SEC31A: variants seen among roughly 807,000 people sequenced by gnomAD.
The protein encoded by SEC31A is SEC31 homolog A, COPII component.
SEC31A carries 70 observed loss-of-function variants against 151.0 expected under a neutral mutation model. That is an observed-to-expected ratio of 0.46 (90% CI 0.38 to 0.57). The LOEUF (loss-of-function observed/expected upper bound fraction) is 0.57. Ranked by LOEUF, SEC31A falls within the 20% of genes least tolerant of loss-of-function variation. SEC31A has a pLI of 0.00. For synonymous variants in SEC31A, 475 were observed against 505.9 expected, an observed-to-expected ratio of 0.94 and a Z score of 0.82; for missense variants, 1,330 against 1,471.2, an observed-to-expected ratio of 0.90 and a Z score of 1.57.
At chr4:82,858,044 A>G (rs1375471334) in intron 14 of SEC31A, 2 of 244,760 alleles carry the variant, frequency 8.2e-6, no homozygotes, top group African/African-American at 2.3e-5. Context: ...TTAGGAGGCC[A>G]AGGCAGGCAG....
rs57974382 is a variant in SEC31A, at chr4:82,882,401, C to CAAAAAAA, written c.-4-468_-4-462dup. ...TGGGCGAGAGAGCAAGACTCTATCT[C>CAAAAAAA]AAAAAAAAAAAAAAAAAAAAAAAAA... On this transcript the variant is annotated intron_variant, in intron 1 of 26. Coordinates refer to ENST00000395310, the MANE Select transcript of SEC31A (RefSeq NM_001077207.4). Among the ~76,000 whole-genome samples, 143 of 92,470 alleles carry CAAAAAAA rather than the reference C, an allele frequency of 1.5e-3. 2 individuals carry two copies. The highest frequency in any genetic ancestry group is 7.0e-3 in the African/African-American group (135 of 19,404). 60.7% of individuals were successfully genotyped at this position (92,470 alleles called of 152,430 possible). A position where few individuals can be genotyped will look rare whatever the true frequency, so the allele number is the denominator to read the frequency against.
intron 22 of SEC31A, among the ~76,000 whole-genome samples, chr4:82,840,896 A>G (rs1239762605): frequency 6.6e-6 from 1 of 152,196 alleles, no homozygotes; most frequent in Non-Finnish European, 1.5e-5. Context: ...GCTCTGGGTG[A>G]GTTGTGAGTG....
chr4:82,871,455 A>G, intron 7 of SEC31A: 1 of 1,361,442 alleles, frequency 7.3e-7, no homozygotes, highest in Non-Finnish European at 1.0e-6. Flanking sequence ...TAACAAAACC[A>G]ATTTTACCAT....
intron 17 of SEC31A, among the ~76,000 whole-genome samples, 191 bp downstream of exon 17, chr4:82,854,712 T>TAA (rs79298254): frequency 2.9e-5 from 4 of 140,304 alleles, no homozygotes; most frequent in Admixed American, 7.0e-5. Context: ...CTAGTAGATT[T>TAA]AAAAAAAAAA....
At chr4:82,869,297 T>TA (rs1373678792) in intron 8 of SEC31A, among the ~76,000 whole-genome samples, 1 of 127,950 alleles carries the variant, frequency 7.8e-6, no homozygotes, top group Non-Finnish European at 1.7e-5. Context: ...TTTTTTTGTA[T>TA]TTTTTTTTTT....
At position 82,870,385 on chromosome 4, in the gene SEC31A, T is replaced by C. The variant is rs367982341; in HGVS notation, c.822A>G (p.Glu274=). Residue 274 remains glutamate (E), a synonymous_variant, in exon 8 of 27, where the codon GAA becomes GAG. Transcript: ENST00000395310. ...CATCTTTTCCACAGCTCAGTAACAATTCAGGATCTGCCATGCTCCAAGCAA... is the reference window on the plus strand; with the variant it reads ...CATCTTTTCCACAGCTCAGTAACAACTCAGGATCTGCCATGCTCCAAGCAA... ...LAIAWSMADP[E]LLLSCGKDAK... is the part of the protein sequence containing the mutation. 2.3e-5 allele frequency: 37 copies of C among 1,613,808 alleles called. No homozygotes were observed. In the African/African-American group the frequency reaches 4.1e-4, roughly 18 times the overall value.
At chr4:82,839,126 G>A (rs1323083269) in intron 22 of SEC31A, among the ~76,000 whole-genome samples, 2 of 151,724 alleles carry the variant, frequency 1.3e-5, no homozygotes, top group Non-Finnish European at 1.5e-5. Flanking sequence ...GTAGGCGCCC[G>A]CCACCACGTC....
intron 22 of SEC31A, among the ~76,000 whole-genome samples, chr4:82,835,321 A>G (rs1414205802): frequency 1.3e-5 from 2 of 152,252 alleles, no homozygotes; most frequent in Non-Finnish European, 1.5e-5. Context: ...CTTAAAAAAA[A>G]TATCAACACA....
chr4:82,829,395 CAA>C (rs1355345986), intron 22 of SEC31A: 15 of 181,720 alleles, frequency 8.3e-5, no homozygotes, highest in Non-Finnish European at 7.9e-5. Flanking sequence ...AATGAAAATA[CAA>C]AGTCTGCTAA....
At chr4:82,886,365 T>A (rs1740711397) in intron 1 of SEC31A, among the ~76,000 whole-genome samples, 1 of 152,204 alleles carries the variant, frequency 6.6e-6, no homozygotes, top group Admixed American at 6.5e-5. Context: ...GAGCCCCAGT[T>A]TCTACATTCG....
intron 22 of SEC31A, among the ~76,000 whole-genome samples, chr4:82,837,406 T>C (rs1727659611): frequency 1.3e-5 from 2 of 151,948 alleles, no homozygotes; most frequent in South Asian, 4.2e-4. Context: ...GCAAGGAAGT[T>C]TTTTTTGTTG....
At chr4:82,847,781 AGCCAGAGCAAT>A (rs1730564183) in intron 20 of SEC31A, among the ~76,000 whole-genome samples, 1 of 152,206 alleles carries the variant, frequency 6.6e-6, no homozygotes, top group South Asian at 2.1e-4. Context: ...CCCCCACAGC[AGCCAGAGCAAT>A]GCCAGGCACT....
At chr4:82,857,594 C>T in intron 15 of SEC31A, 95 bp downstream of exon 15, 2 of 818,636 alleles carry the variant, frequency 2.4e-6, no homozygotes, top group African/African-American at 1.7e-5. Flanking sequence ...GCATGCACCA[C>T]AGCACCTGAC....
At chr4:82,869,741 G>A (rs1306298582) in intron 8 of SEC31A, among the ~76,000 whole-genome samples, 2 of 151,884 alleles carry the variant, frequency 1.3e-5, no homozygotes, top group African/African-American at 2.4e-5. Flanking sequence ...AATAACTAAA[G>A]GGCTTGTTTT....
intron 4 of SEC31A, chr4:82,877,845 C>A (rs941002237): frequency 3.9e-5 from 6 of 152,258 alleles, no homozygotes; most frequent in African/African-American, 1.4e-4. Context: ...GTGCCTGCCA[C>A]CATGCCCGGC....
Position 82,857,707 on chromosome 4 carries a change from TA to T in SEC31A, c.1683del (p.Phe561LeufsTer12), listed in dbSNP as rs765873855. 5 of 1,597,576 alleles carry T rather than the reference TA, an allele frequency of 3.1e-6. No individual in the cohort carries two copies. Among genetic ancestry groups the T allele is most frequent in the Non-Finnish European group, 4.3e-6 (5 of 1,165,548 alleles). On this transcript the variant is annotated frameshift_variant, in exon 15 of 27. Transcript: ENST00000395310. LOFTEE classifies it high-confidence loss of function. ...TACTTACCCCCACTGACAGAGATAT[TA>T]AATGTTCCTCCAGATGAGGGTAGAA... ...SEFLPSSGGT[F>X]NISVSGDIDG...
At chr4:82,821,824 G>T (rs1030281388) in intron 25 of SEC31A, among the ~76,000 whole-genome samples, 5 of 152,082 alleles carry the variant, frequency 3.3e-5, no homozygotes, top group Non-Finnish European at 7.4e-5. Flanking sequence ...GTCGATTATG[G>T]GTGGTAGAAG....
intron 18 of SEC31A, among the ~76,000 whole-genome samples, chr4:82,853,258 G>A (rs1731838983): frequency 6.6e-6 from 1 of 152,128 alleles, no homozygotes; most frequent in South Asian, 2.1e-4. Context: ...GGCAGGCAGA[G>A]CCACTGGAAG....
chr4:82,883,219 G>A (rs965213042), intron 1 of SEC31A, among the ~76,000 whole-genome samples: 2 of 152,128 alleles, frequency 1.3e-5, no homozygotes, highest in Non-Finnish European at 1.5e-5. Flanking sequence ...AAATGGCATA[G>A]TACTGCACTA....
Sources: allele counts gnomAD v4.1 joint callset (sites outside exome capture counted in the v4.1 genomes callset), GRCh38; gene constraint gnomAD v4.1.1; transcripts MANE v1.5; gene names NCBI Gene and HGNC (gene_info 2026-07-23, HGNC 2026-07-21).